CD44: variants seen among roughly 807,000 people sequenced by gnomAD.
The protein encoded by CD44 is CD44 antigen.
In CD44, 49 loss-of-function variants were observed where a neutral mutation model predicts 88.8. The ratio of observed to expected loss-of-function variants is 0.55; its 90% CI spans 0.44 to 0.70. The LOEUF is 0.70. CD44 is among the 30% of genes least tolerant of loss of function. The pLI is 0.00. For missense variants in CD44, 883 were observed against 913.8 expected, an observed-to-expected ratio of 0.97 and a Z score of 0.43; for synonymous variants, 325 against 312.3, an observed-to-expected ratio of 1.04 and a Z score of -0.43.
At chr11:35,225,439 C>T (rs1366792522) in intron 17 of CD44, among the ~76,000 whole-genome samples, 1 of 152,180 alleles carries the variant, frequency 6.6e-6, no homozygotes, top group African/African-American at 2.4e-5. Context: ...TTGCTGTGTG[C>T]TCAGCTAATG....
chr11:35,179,455 T>C (rs1203531692), intron 2 of CD44, among the ~76,000 whole-genome samples: 2 of 152,198 alleles, frequency 1.3e-5, no homozygotes, highest in Non-Finnish European at 2.9e-5. Context: ...TAGAAGAGGC[T>C]GGGCTGTGTA....
intron 15 of CD44, among the ~76,000 whole-genome samples, chr11:35,218,012 T>G (rs1170837692): frequency 6.6e-6 from 1 of 152,120 alleles, no homozygotes; most frequent in Non-Finnish European, 1.5e-5. Flanking sequence ...GGTCTCAAAG[T>G]CCTGGACTCA....
intron 15 of CD44, chr11:35,215,127 C>A: frequency 2.5e-6 from 1 of 395,866 alleles, no homozygotes; most frequent in Non-Finnish European, 4.5e-6. Context: ...CAAGCATTTG[C>A]ATTTCTAATC....
In CD44 at chr11:35,228,971, A is replaced by T. The variant is rs927335; in HGVS notation, c.2025-158A>T. Among the ~76,000 whole-genome samples, 44,915 of 152,072 alleles carry T rather than the reference A, an allele frequency of 0.3. 7,977 individuals are homozygous for T. The highest frequency in any genetic ancestry group is 0.61 in the South Asian group (2,924 of 4,820). ...GTCTGGTTGTTAAGTGCTGGTTGTTAGTTGTTAAAGTAGAGAAAACCCCTA... is the reference window on the plus strand; with the variant it reads ...GTCTGGTTGTTAAGTGCTGGTTGTTTGTTGTTAAAGTAGAGAAAACCCCTA... On this transcript the variant is annotated intron_variant, in intron 17 of 17. Transcript: ENST00000428726.
chr11:35,181,921 T>TTATATATAAATATATATTATATATTA lies in CD44; in HGVS notation c.367+1519_367+1520insATAAATATATATTATATATTATATAT, dbSNP rs371328712. ...TATAATATATAATATATATTATATA[T>TTATATATAAATATATATTATATATTA]TATATTATATATAAATTATATATAA... On this transcript the variant is annotated intron_variant, in intron 3 of 17. Transcript: ENST00000428726. Among the ~76,000 whole-genome samples the TTATATATAAATATATATTATATATTA allele has an allele frequency of 4.7e-4, 32 of 68,188 alleles. 3 individuals carry two copies. The highest frequency in any genetic ancestry group is 6.3e-4 in the Non-Finnish European group (24 of 37,936). 44.7% of individuals were successfully genotyped at this position (68,188 alleles called of 152,430 possible).
intron 1 of CD44, among the ~76,000 whole-genome samples, chr11:35,147,811 G>A (rs1490574610): frequency 2.0e-5 from 3 of 152,046 alleles, no homozygotes; most frequent in African/African-American, 4.8e-5. Context: ...GGAGAGGGCT[G>A]GGAAAGGTGG....
chr11:35,221,884 G>C (rs1949333508), intron 17 of CD44, 152 bp downstream of exon 17: 2 of 694,920 alleles, frequency 2.9e-6, no homozygotes, highest in African/African-American at 1.8e-5. Flanking sequence ...CCCAACCCCA[G>C]ACCTCCTATG....
rs1004136610 is a variant in CD44 at position 35,186,064 on chromosome 11, AC to A, written c.368-766del. 5.3e-5 allele frequency among the ~76,000 whole-genome samples: 8 copies of A among 149,940 alleles called. No homozygotes were observed. The South Asian group carries it at 6.4e-4, about 12-fold the overall frequency. On this transcript the variant is annotated intron_variant, in intron 3 of 17. Coordinates refer to ENST00000428726, the MANE Select transcript of CD44 (RefSeq NM_000610.4). Reference sequence around the variant, plus strand: ...AAAACGAGAACAAGAGAAAAAAAAAACCAGAAATGCCCATGATGAGATATGC... The same window carrying A: ...AAAACGAGAACAAGAGAAAAAAAAAACAGAAATGCCCATGATGAGATATGC...
intron 15 of CD44, among the ~76,000 whole-genome samples, chr11:35,218,356 G>A (rs1949008316): frequency 6.6e-6 from 1 of 152,180 alleles, no homozygotes; most frequent in Non-Finnish European, 1.5e-5. Flanking sequence ...GTGAGGTGGA[G>A]TCTCGCTCTG....
intron 11 of CD44, among the ~76,000 whole-genome samples, chr11:35,207,454 C>T (rs1466768896): frequency 6.6e-6 from 1 of 152,160 alleles, no homozygotes. Flanking sequence ...TTAAAAACAA[C>T]ATTTACAAGT....
chr11:35,204,626 C>T lies in CD44; in HGVS notation c.1268C>T (p.Thr423Ile), dbSNP rs1389246455. The T allele has an allele frequency of 3.7e-6, 6 of 1,612,996 alleles. No individual in the cohort carries two copies. The highest frequency in any genetic ancestry group is 1.1e-5 in the South Asian group (1 of 91,060). Reference sequence around the variant, plus strand: ...ACACCCAAAGAAGACTCCCATTCGACAACAGGGACAGCTGGTAATGGATGG... The same window carrying T: ...ACACCCAAAGAAGACTCCCATTCGATAACAGGGACAGCTGGTAATGGATGG... Reference protein sequence around the residue: ...RQTPKEDSHSTTGTAAASAHT... With the variant: ...RQTPKEDSHSITGTAAASAHT... The change falls in exon 10 of 18, where the codon ACA becomes ATA. Residue 423 changes from threonine (T) to isoleucine (I), a missense_variant. Physicochemically the swap from Thr to Ile is moderately conservative, Grantham distance 89 (BLOSUM62 -1). Coordinates refer to ENST00000428726, the MANE Select transcript of CD44 (RefSeq NM_000610.4).
intron 14 of CD44, among the ~76,000 whole-genome samples, chr11:35,211,800 G>A (rs61882763): frequency 0.066 from 10,002 of 152,088 alleles, 378 homozygotes; most frequent in Middle Eastern, 0.092. Flanking sequence ...ATTTTTGCAG[G>A]TGAAAGTAGT....
At chr11:35,170,350 C>CT (rs1943740989) in intron 1 of CD44, among the ~76,000 whole-genome samples, 2 of 152,174 alleles carry the variant, frequency 1.3e-5, no homozygotes, top group African/African-American at 4.8e-5. Context: ...TTCAGAGCTC[C>CT]TTTTTCTCGC....
At chr11:35,139,416 T>C (rs1483529977) in intron 1 of CD44, 46 bp downstream of exon 1, 1 of 1,518,198 alleles carries the variant, frequency 6.6e-7, no homozygotes, top group Admixed American at 2.0e-5. Context: ...TGCGGGGTGC[T>C]CAGCGCGGAC....
intron 1 of CD44, among the ~76,000 whole-genome samples, chr11:35,156,035 A>G (rs1941817943): frequency 6.6e-6 from 1 of 152,092 alleles, no homozygotes; most frequent in African/African-American, 2.4e-5. Context: ...TCTAGTTTCT[A>G]CCCCAGAGCT....
chr11:35,207,285 T>C (rs1947958210), intron 11 of CD44, among the ~76,000 whole-genome samples: 1 of 152,258 alleles, frequency 6.6e-6, no homozygotes, highest in Admixed American at 6.5e-5. Flanking sequence ...CCCAGTATTC[T>C]GGTGCTTCAC....
rs778210937 is a variant in CD44, at chr11:35,221,727, A to C, written c.2019A>C (p.Arg673=). ...ILAVCIAVNS[R]RRCGQKKKLV... ...CAGTTTGCATTGCAGTCAACAGTCGAAGAAGGTAAGGGGCTGTCCTGGGGG... is the reference window on the plus strand; with the variant it reads ...CAGTTTGCATTGCAGTCAACAGTCGCAGAAGGTAAGGGGCTGTCCTGGGGG... Residue 673 remains arginine (R), a synonymous_variant, in exon 17 of 18, where the codon CGA becomes CGC. Transcript: ENST00000428726. 1.6e-5 allele frequency: 26 copies of C among 1,613,792 alleles called. No individual in the cohort carries two copies.
At chr11:35,174,614 CT>C (rs1487812521) in intron 1 of CD44, among the ~76,000 whole-genome samples, 2 of 152,202 alleles carry the variant, frequency 1.3e-5, no homozygotes, top group African/African-American at 2.4e-5. Flanking sequence ...TGATTTCTAG[CT>C]CTCTATTGGA....
At chr11:35,185,985 A>G (rs1044018261) in intron 3 of CD44, among the ~76,000 whole-genome samples, 3 of 152,208 alleles carry the variant, frequency 2.0e-5, no homozygotes, top group Non-Finnish European at 2.9e-5. Context: ...AGTCAGGCCC[A>G]AGATTCAGGC....
Sources: allele counts gnomAD v4.1 joint callset (sites outside exome capture counted in the v4.1 genomes callset), GRCh38; gene constraint gnomAD v4.1.1; transcripts MANE v1.5; gene names NCBI Gene and HGNC (gene_info 2026-07-23, HGNC 2026-07-21).